The following SYT1 variants were observed in gnomAD, a reference collection of about 807,000 sequenced individuals.
SYT1 encodes synaptotagmin-1.
A neutral mutation model predicts 44.8 loss-of-function variants in SYT1; 8 were observed. That is an observed-to-expected ratio of 0.18 (90% CI 0.10 to 0.32). The LOEUF (loss-of-function observed/expected upper bound fraction) is 0.32, where lower values mean the gene tolerates loss of function less well. Ranked by LOEUF, SYT1 falls within the 10% of genes least tolerant of loss-of-function variation. The probability of loss-of-function intolerance (pLI) is 1.00; values close to 1 mark genes in which losing one functional copy is unlikely to be tolerated. For synonymous variants in SYT1, 154 were observed against 188.8 expected (o/e 0.82, Z 1.51); for missense variants, 286 against 509.3 (o/e 0.56, Z 4.22).
At chr12:79,087,526 G>T (rs957563703) in intron 3 of SYT1, among the ~76,000 whole-genome samples, 1 of 152,122 alleles carries the variant, frequency 6.6e-6, no homozygotes, top group African/African-American at 2.4e-5. Context: ...TTGTAATTGA[G>T]TGATGAATAG....
At chr12:78,954,762 A>G (rs1879128079) in intron 1 of SYT1, among the ~76,000 whole-genome samples, 1 of 152,116 alleles carries the variant, frequency 6.6e-6, no homozygotes, top group Non-Finnish European at 1.5e-5. Context: ...TCTGTGTAAA[A>G]TAATAAATGC....
chr12:78,995,489 GTAAT>G (rs1291053814), intron 2 of SYT1, among the ~76,000 whole-genome samples: 6 of 152,178 alleles, frequency 3.9e-5, no homozygotes, highest in African/African-American at 7.2e-5. Context: ...TCTCCAGAGA[GTAAT>G]TAACATCTTT....
intron 3 of SYT1, among the ~76,000 whole-genome samples, chr12:79,090,838 G>T (rs1263628838): frequency 6.6e-6 from 1 of 151,930 alleles, no homozygotes; most frequent in African/African-American, 2.4e-5. Flanking sequence ...GTTTCATTGT[G>T]CAGAGAAGGT....
intron 9 of SYT1, among the ~76,000 whole-genome samples, chr12:79,419,612 A>G (rs760119399): frequency 7.2e-5 from 11 of 152,272 alleles, no homozygotes; most frequent in South Asian, 2.1e-4. Context: ...GACTCGGAGT[A>G]CCTCAATTTT....
intron 3 of SYT1, among the ~76,000 whole-genome samples, chr12:79,159,556 G>A (rs1565832317): frequency 6.6e-6 from 1 of 151,710 alleles, no homozygotes; most frequent in East Asian, 1.9e-4. Flanking sequence ...TATGGTAATT[G>A]TTGTTACTCT....
intron 8 of SYT1, among the ~76,000 whole-genome samples, chr12:79,352,639 T>C (rs1279434261): frequency 6.6e-6 from 1 of 152,158 alleles, no homozygotes; most frequent in African/African-American, 2.4e-5. Context: ...TGGTTCTTAA[T>C]TAATCACCCT....
intron 9 of SYT1, among the ~76,000 whole-genome samples, chr12:79,396,321 A>G (rs1014377441): frequency 6.6e-6 from 1 of 152,166 alleles, no homozygotes; most frequent in East Asian, 1.9e-4. Flanking sequence ...ATAATTCTTC[A>G]GCATATTGCA....
At chr12:79,002,349 A>G (rs999998930) in intron 2 of SYT1, among the ~76,000 whole-genome samples, 3 of 152,090 alleles carry the variant, frequency 2.0e-5, no homozygotes, top group African/African-American at 7.2e-5. Context: ...TTCATTTATG[A>G]ACAACTTACT....
At chr12:79,335,587 T>C (rs1350385223) in intron 8 of SYT1, among the ~76,000 whole-genome samples, 5 of 152,126 alleles carry the variant, frequency 3.3e-5, no homozygotes, top group Non-Finnish European at 5.9e-5. Flanking sequence ...GAGAGAAGTA[T>C]AAATAATATG....
chr12:79,431,731 C>T (rs1200226588), intron 9 of SYT1, among the ~76,000 whole-genome samples: 1 of 151,874 alleles, frequency 6.6e-6, no homozygotes, highest in East Asian at 1.9e-4. Context: ...TTAGTACAGA[C>T]GGGGTTTCAC....
At chr12:79,094,384 A>T (rs1475119788) in intron 3 of SYT1, among the ~76,000 whole-genome samples, 1 of 151,872 alleles carries the variant, frequency 6.6e-6, no homozygotes, top group African/African-American at 2.4e-5. Flanking sequence ...AGCAGTTTTA[A>T]AAGTATTTAA....
intron 3 of SYT1, among the ~76,000 whole-genome samples, chr12:79,188,971 T>C (rs537725155): frequency 6.4e-4 from 97 of 151,976 alleles, no homozygotes; most frequent in Non-Finnish European, 1.1e-3. Context: ...TTTTTTTATC[T>C]TGATGCTCAA....
At chr12:79,161,759 C>T (rs61927313) in intron 3 of SYT1, among the ~76,000 whole-genome samples, 12,512 of 151,938 alleles carry the variant, frequency 0.082, 677 homozygotes, top group African/African-American at 0.15. Context: ...TTCTTGGAAG[C>T]CCTCATGTTT....
chr12:79,171,681 T>TA (rs199562030), intron 3 of SYT1, among the ~76,000 whole-genome samples: 2,192 of 148,994 alleles, frequency 0.015, 50 homozygotes, highest in Admixed American at 0.065. Flanking sequence ...AGGTACACAG[T>TA]AAAAAAAAAA....
At chr12:79,441,686 C>T (rs1199287774) in intron 9 of SYT1, among the ~76,000 whole-genome samples, 2 of 152,122 alleles carry the variant, frequency 1.3e-5, no homozygotes, top group African/African-American at 4.8e-5. Flanking sequence ...AACTGACAGC[C>T]TCTGCTTACA....
chr12:79,083,860 C>A (rs549093583), intron 3 of SYT1, among the ~76,000 whole-genome samples: 1 of 152,068 alleles, frequency 6.6e-6, no homozygotes, highest in Non-Finnish European at 1.5e-5. Flanking sequence ...GATGTCAACA[C>A]GAACATCTTT....
At chr12:79,314,168 C>CAAAAAAAAAAAAAAAAAAAA (rs34951756) in intron 8 of SYT1, among the ~76,000 whole-genome samples, 8 of 67,286 alleles carry the variant, frequency 1.2e-4, no homozygotes, top group African/African-American at 5.0e-4. Context: ...GACTCCGTCT[C>CAAAAAAAAAAAAAAAAAAAA]AAAAAAAAAA....
At chr12:78,933,764 C>A (rs1030859923) in intron 1 of SYT1, among the ~76,000 whole-genome samples, 2 of 151,848 alleles carry the variant, frequency 1.3e-5, no homozygotes, top group Admixed American at 1.3e-4. Flanking sequence ...ATTCTACAGG[C>A]CAATTTTTTT....
intron 2 of SYT1, among the ~76,000 whole-genome samples, chr12:78,990,800 T>C (rs1869963693): frequency 6.6e-6 from 1 of 152,200 alleles, no homozygotes; most frequent in Non-Finnish European, 1.5e-5. Flanking sequence ...GTGCCGGTTA[T>C]TCAAGCAACC....
Sources: gnomAD v4.1 joint callset for allele counts (sites outside exome capture counted in the v4.1 genomes callset) on GRCh38, gnomAD v4.1.1 for gene constraint, MANE v1.5 for transcripts, NCBI Gene and HGNC (gene_info 2026-07-23, HGNC 2026-07-21) for gene names.